FAM169A: variants seen among roughly 807,000 people sequenced by gnomAD.
FAM169A encodes family with sequence similarity 169 member A, also known as soluble lamin-associated protein of 75 kDa.
Under a neutral mutation model 75.7 loss-of-function variants are expected in FAM169A, and 24 were observed. The ratio of observed to expected loss-of-function variants is 0.32; its 90% CI spans 0.23 to 0.45. FAM169A has a LOEUF of 0.45. Among genes scored for constraint, FAM169A ranks in the 20% least tolerant of loss-of-function variants. The pLI, the probability that FAM169A is intolerant of heterozygous loss-of-function variation, is 1.00. For missense variants in FAM169A, 673 were observed against 784.0 expected (o/e 0.86, Z 1.69); for synonymous variants, 271 against 271.0 (o/e 1.00, Z 0.00).
At chr5:74,857,587 A>C (rs1428522791) in intron 1 of FAM169A, among the ~76,000 whole-genome samples, 1 of 109,462 alleles carries the variant, frequency 9.1e-6, no homozygotes, top group African/African-American at 4.1e-5. Context: ...AAAAAAAAAA[A>C]AAAAAAAAAA....
chr5:74,865,958 G>C (rs1440952107), intron 1 of FAM169A: 1 of 154,550 alleles, frequency 6.5e-6, no homozygotes, highest in African/African-American at 2.4e-5. Flanking sequence ...CGGGATCCCC[G>C]CAGACCGCCG....
chr5:74,865,605 A>G (rs905469901), intron 1 of FAM169A: 6 of 152,430 alleles, frequency 3.9e-5, no homozygotes, highest in Admixed American at 3.9e-4. Flanking sequence ...ATTAGGACAA[A>G]ACTGCAACGA....
chr5:74,814,996 C>A (rs954594565), intron 5 of FAM169A, among the ~76,000 whole-genome samples: 1 of 152,092 alleles, frequency 6.6e-6, no homozygotes, highest in African/African-American at 2.4e-5. Flanking sequence ...CACAAATTGT[C>A]TTACCAATCA....
intron 10 of FAM169A, among the ~76,000 whole-genome samples, chr5:74,798,057 C>T (rs1746370604): frequency 6.6e-6 from 1 of 152,206 alleles, no homozygotes; most frequent in Admixed American, 6.5e-5. Flanking sequence ...CCCAGCTCTG[C>T]TTGTTGAGTT....
intron 11 of FAM169A, among the ~76,000 whole-genome samples, 185 bp downstream of exon 11, chr5:74,795,845 A>G (rs553664096): frequency 1.3e-5 from 2 of 152,332 alleles, no homozygotes; most frequent in South Asian, 4.1e-4. Flanking sequence ...AAACACAATC[A>G]TATTTGTAAT....
chr5:74,820,303 T>C (rs1747709392), intron 5 of FAM169A, among the ~76,000 whole-genome samples: 1 of 152,096 alleles, frequency 6.6e-6, no homozygotes, highest in African/African-American at 2.4e-5. Flanking sequence ...GCCTGAATTG[T>C]ATATTTTAAA....
At chr5:74,843,941 C>T (rs1230124500) in intron 1 of FAM169A, among the ~76,000 whole-genome samples, 2 of 152,076 alleles carry the variant, frequency 1.3e-5, no homozygotes, top group Non-Finnish European at 2.9e-5. Flanking sequence ...TGTGATTCAA[C>T]AAGAAAATCA....
At chr5:74,817,495 TAG>T (rs1386788184) in intron 5 of FAM169A, among the ~76,000 whole-genome samples, 4 of 151,958 alleles carry the variant, frequency 2.6e-5, no homozygotes, top group Admixed American at 1.3e-4. Flanking sequence ...ACTTGTACAA[TAG>T]AGATTACAAA....
intron 5 of FAM169A, among the ~76,000 whole-genome samples, chr5:74,827,212 TAATA>T (rs1748076786): frequency 6.6e-6 from 1 of 152,188 alleles, no homozygotes; most frequent in Non-Finnish European, 1.5e-5. Context: ...CCTTTGCAGT[TAATA>T]AATAACATTG....
chr5:74,798,072 C>CT (rs1746371206), intron 10 of FAM169A, among the ~76,000 whole-genome samples: 1 of 152,196 alleles, frequency 6.6e-6, no homozygotes, highest in Non-Finnish European at 1.5e-5. Flanking sequence ...TGAGTTTCTA[C>CT]TTATCTTTGA....
intron 1 of FAM169A, among the ~76,000 whole-genome samples, chr5:74,854,525 G>A (rs939929243): frequency 6.6e-6 from 1 of 151,948 alleles, no homozygotes; most frequent in African/African-American, 2.4e-5. Context: ...TCACACTGTT[G>A]AGCTGTCAAG....
In FAM169A at chr5:74,804,500, T is replaced by A. The variant is rs1432766941; in HGVS notation, c.905A>T (p.Gln302Leu). 1 of 1,573,434 alleles carries A rather than the reference T, an allele frequency of 6.4e-7. No homozygotes were observed. The highest frequency in any genetic ancestry group is 1.7e-5 in the Admixed American group (1 of 58,072). Residue 302 changes from glutamine (Q) to leucine (L), a missense_variant, in exon 8 of 13, where the codon CAG becomes CTG. Around this residue, in one of 3 missense-constraint regions of FAM169A, gnomAD observed 510 missense variants for 550.9 expected, o/e 0.93. Transcript: ENST00000687041. ...RTEDNQSSEMQLTIDSLKDAF... is the reference protein window; with the variant it reads ...RTEDNQSSEMLLTIDSLKDAF... ...TATAGACAGTGTACCTACAGTTAGC[T>A]GCATCTCACTAGACTGATTGTCTTC...
chr5:74,823,062 TA>T (rs1330128754), intron 5 of FAM169A, among the ~76,000 whole-genome samples: 3 of 152,222 alleles, frequency 2.0e-5, no homozygotes, highest in African/African-American at 7.2e-5. Flanking sequence ...TCCCTGACTT[TA>T]AAATACAATT....
chr5:74,849,633 T>C (rs1041289448), intron 1 of FAM169A, among the ~76,000 whole-genome samples: 2 of 152,058 alleles, frequency 1.3e-5, no homozygotes, highest in African/African-American at 4.8e-5. Context: ...TGAACCTTAT[T>C]ATGATTCCTC....
At chr5:74,783,156 A>G (rs1472288162) in intron 11 of FAM169A, 22 bp from the exon 12 acceptor site, 1 of 1,555,420 alleles carries the variant, frequency 6.4e-7, no homozygotes, top group Non-Finnish European at 8.8e-7. Flanking sequence ...GGAGAGAGGG[A>G]AAAAGTAAGG....
In FAM169A at chr5:74,781,220, C is replaced by A; in HGVS notation, c.*240G>T. On this transcript the variant is annotated 3_prime_UTR_variant, in exon 13 of 13. Coordinates refer to ENST00000687041, the MANE Select transcript of FAM169A (RefSeq NM_001376049.1). ...GAAAATATAATATGATCTGGTTTCC[C>A]AAAATTGAAACATGGTTAATAAAAA... 1 of 454,460 alleles carries A rather than the reference C, an allele frequency of 2.2e-6. No homozygotes were observed. Among genetic ancestry groups the A allele is most frequent in the Non-Finnish European group, 3.9e-6 (1 of 257,426 alleles). 28.2% of individuals were successfully genotyped at this position (454,460 alleles called of 1,614,324 possible).
chr5:74,806,249 A>C (rs1746877044), intron 6 of FAM169A, among the ~76,000 whole-genome samples: 1 of 152,176 alleles, frequency 6.6e-6, no homozygotes, highest in Non-Finnish European at 1.5e-5. Context: ...CTAGGAAAGA[A>C]CCACACGTAC....
intron 1 of FAM169A, among the ~76,000 whole-genome samples, chr5:74,854,471 C>A (rs572213854): frequency 6.6e-6 from 1 of 152,154 alleles, no homozygotes; most frequent in East Asian, 1.9e-4. Context: ...ACAACCCAAT[C>A]ACACTTTGTT....
rs1350472755 is a variant in FAM169A at position 74,780,016 on chromosome 5, G to C, written c.*1444C>G. ...TTCTCCAACTTAAGTGCAAATTTGA[G>C]TACACATAATATTTCCAAAGAGTAG... On this transcript the variant is annotated 3_prime_UTR_variant, in exon 13 of 13. Coordinates refer to ENST00000687041, the MANE Select transcript of FAM169A (RefSeq NM_001376049.1). 6.6e-6 allele frequency: 1 copy of C among 152,104 alleles called. No homozygotes were observed. Among genetic ancestry groups the C allele is most frequent in the Non-Finnish European group, 1.5e-5 (1 of 68,032 alleles). 9.4% of individuals were successfully genotyped at this position (152,104 alleles called of 1,614,324 possible).
Sources: gnomAD v4.1 joint callset for allele counts (sites outside exome capture counted in the v4.1 genomes callset) on GRCh38, gnomAD v4.1.1 for gene constraint, gnomAD v4.1.1 regional missense constraint, MANE v1.5 for transcripts, NCBI Gene and HGNC (gene_info 2026-07-23, HGNC 2026-07-21) for gene names.